PCDHA3: variants seen among roughly 807,000 people sequenced by gnomAD.
The protein encoded by PCDHA3 is protocadherin alpha 3, also known as protocadherin alpha-3.
Under a neutral mutation model 62.2 loss-of-function variants are expected in PCDHA3, and 41 were observed. The ratio of observed to expected loss-of-function variants is 0.66; its 90% CI spans 0.51 to 0.86. The LOEUF is 0.86. PCDHA3 is among the 40% of genes least tolerant of loss of function. The pLI, the probability that PCDHA3 is intolerant of heterozygous loss-of-function variation, is 0.00. For synonymous variants in PCDHA3, 640 were observed against 555.4 expected (o/e 1.15, Z -2.14); for missense variants, 1,304 against 1,241.2 (o/e 1.05, Z -0.76).
In PCDHA3 at chr5:140,857,031, C is replaced by A. The variant is rs782539359; in HGVS notation, c.2394+53440C>A. 6 of 1,596,318 alleles carry A rather than the reference C, an allele frequency of 3.8e-6. No homozygotes were observed. The South Asian group carries it at 6.6e-5, about 18-fold the overall frequency. On this transcript the variant is annotated intron_variant, in intron 1 of 3. Coordinates refer to ENST00000522353, the MANE Select transcript of PCDHA3 (RefSeq NM_018906.3). The stretch of plus-strand genomic sequence containing the variant: ...GATGTTACAGATAAGGGAAACCCAC[C>A]TATGGTTGGTCACTGCACGGTCCTA...
At chr5:140,853,125 C>T (rs2150528645) in intron 1 of PCDHA3, 31 of 553,956 alleles carry the variant, frequency 5.6e-5, no homozygotes, top group South Asian at 1.5e-4. Context: ...ATGATCCTCC[C>T]GCCTCAGCCT....
In PCDHA3 at chr5:140,802,469, G is replaced by A; in HGVS notation, c.1272G>A (p.Val424=). Residue 424 remains valine, a synonymous_variant, in exon 1 of 4, where the codon GTG becomes GTA. Transcript: ENST00000522353. ...DRESVSAYEL[V]VTARDGGSPS... is the part of the protein sequence containing the mutation. ...AGAGCGTGTCGGCCTATGAGCTGGT[G>A]GTGACTGCTCGGGACGGGGGCTCGC... The A allele has an allele frequency of 6.2e-7, 1 of 1,614,220 alleles. No individual in the cohort carries two copies. Among genetic ancestry groups the A allele is most frequent in the Non-Finnish European group, 8.5e-7 (1 of 1,180,042 alleles).
intron 1 of PCDHA3, chr5:140,852,742 T>G (rs1190690172): frequency 1.0e-6 from 1 of 984,108 alleles, no homozygotes; most frequent in African/African-American, 1.8e-5. Context: ...ATGTGCCATT[T>G]AAACTTGGAC....
intron 1 of PCDHA3, chr5:140,853,984 T>A: frequency 1.9e-6 from 1 of 534,780 alleles, no homozygotes; most frequent in Non-Finnish European, 2.5e-6. Context: ...ACCAATGTAG[T>A]GAGACTCATC....
intron 3 of PCDHA3, among the ~76,000 whole-genome samples, chr5:140,985,802 C>T (rs567648207): frequency 1.1e-4 from 16 of 146,640 alleles, no homozygotes; most frequent in African/African-American, 3.3e-4. Flanking sequence ...TGCAGTGGCA[C>T]GATCTCAGCT....
intron 1 of PCDHA3, among the ~76,000 whole-genome samples, chr5:140,952,125 A>G (rs1027710629): frequency 6.6e-6 from 1 of 152,092 alleles, no homozygotes; most frequent in African/African-American, 2.4e-5. Context: ...TGGGCTCCCA[A>G]GGCCTTGGGA....
intron 1 of PCDHA3, chr5:140,884,110 G>A: frequency 6.2e-7 from 1 of 1,613,438 alleles, no homozygotes; most frequent in Non-Finnish European, 8.5e-7. Flanking sequence ...TGCAGCTGGC[G>A]GCGGTCGGCG....
At chr5:140,875,423 G>A in intron 1 of PCDHA3, 2 of 1,524,996 alleles carry the variant, frequency 1.3e-6, no homozygotes, top group Non-Finnish European at 1.8e-6. Flanking sequence ...CCTCAGGCAA[G>A]CGATCCCTTA....
At chr5:140,969,468 AT>A (rs1264391543) in intron 1 of PCDHA3, 1 of 1,486,422 alleles carries the variant, frequency 6.7e-7, no homozygotes, top group Non-Finnish European at 9.0e-7. Context: ...AGTATCCACA[AT>A]TTGATCATAA....
rs1305500600 is a variant in PCDHA3, at chr5:140,846,627, G to A, written c.2394+43036G>A. On this transcript the variant is annotated intron_variant, in intron 1 of 3. Transcript: ENST00000522353. Reference sequence around the variant, plus strand: ...CTGACCTCCTGATCCGCCCACTTCGGCCTCCTAAAGTGCTGGGATTACAGG... The same window carrying A: ...CTGACCTCCTGATCCGCCCACTTCGACCTCCTAAAGTGCTGGGATTACAGG... Among the ~76,000 whole-genome samples, 7 of 148,870 alleles carry A rather than the reference G, an allele frequency of 4.7e-5. No individual in the cohort carries two copies. In the Admixed American group the frequency reaches 4.7e-4, roughly 10 times the overall value.
intron 3 of PCDHA3, among the ~76,000 whole-genome samples, chr5:140,999,830 T>C (rs146250053): frequency 2.0e-5 from 3 of 152,238 alleles, no homozygotes; most frequent in Non-Finnish European, 4.4e-5. Context: ...GCTTTAAAAA[T>C]ATGCCAAGTG....
rs782463768 is a variant in PCDHA3, at chr5:140,803,220, G to C, written c.2023G>C (p.Ala675Pro). 4 of 1,613,816 alleles carry C rather than the reference G, an allele frequency of 2.5e-6. No individual in the cohort carries two copies. The highest frequency in any genetic ancestry group is 3.4e-6 in the Non-Finnish European group (4 of 1,179,946). ...GGTGTCGCTGGTGGAGAGTGGCCAGGCACCCAAGGCCTCGTCCCAGGCGTC... is the reference window on the plus strand; with the variant it reads ...GGTGTCGCTGGTGGAGAGTGGCCAGCCACCCAAGGCCTCGTCCCAGGCGTC... Reference protein sequence around the residue: ...VLVSLVESGQAPKASSQASAG... With the variant: ...VLVSLVESGQPPKASSQASAG... The change falls in exon 1 of 4, where the codon GCA becomes CCA. Residue 675 changes from alanine (A) to proline (P), a missense_variant. By Grantham distance (27) the Ala-to-Pro change is conservative. Coordinates refer to ENST00000522353, the MANE Select transcript of PCDHA3 (RefSeq NM_018906.3).
intron 1 of PCDHA3, chr5:140,927,118 G>T (rs2083863389): frequency 6.2e-7 from 1 of 1,613,946 alleles, no homozygotes; most frequent in East Asian, 2.2e-5. Context: ...CGGCAATTTG[G>T]TGGTCAGAGA....
Position 140,842,675 on chromosome 5 carries a change from G to A in PCDHA3, c.2394+39084G>A. The A allele has an allele frequency of 1.3e-5, 20 of 1,595,468 alleles. 3 individuals are homozygous for A. The highest frequency in any genetic ancestry group is 3.5e-4 in the Middle Eastern group (2 of 5,774). ...GGAGGTGGCCGACGTGAACGACAAT[G>A]CTCCGGCGTTCGCGCAGCCCGAGTA... On this transcript the variant is annotated intron_variant, in intron 1 of 3. Transcript: ENST00000522353.
In PCDHA3 at chr5:140,876,087, G is replaced by T. The variant is rs1554168252; in HGVS notation, c.2394+72496G>T. ...GGAAGTTATTGGACAGAGAGCAAAC[G>T]CCAAAACTCAATTTATTGCTGATGG... On this transcript the variant is annotated intron_variant, in intron 1 of 3. Coordinates refer to ENST00000522353, the MANE Select transcript of PCDHA3 (RefSeq NM_018906.3). The T allele has an allele frequency of 1.9e-6, 3 of 1,613,922 alleles. No individual in the cohort carries two copies. The South Asian group carries it at 3.3e-5, about 18-fold the overall frequency.
chr5:140,876,759 T>A, intron 1 of PCDHA3: 1 of 1,614,146 alleles, frequency 6.2e-7, no homozygotes, highest in Non-Finnish European at 8.5e-7. Context: ...CTGCGCGGGA[T>A]GGGGGCTCGC....
chr5:140,835,671 G>C (rs1489343208), intron 1 of PCDHA3: 19 of 1,613,790 alleles, frequency 1.2e-5, no homozygotes, highest in Non-Finnish European at 1.2e-5. Context: ...CGCGCGGGAC[G>C]GGGGCTCGCC....
chr5:140,870,766 C>G, intron 1 of PCDHA3: 3 of 1,613,562 alleles, frequency 1.9e-6, no homozygotes, highest in South Asian at 1.1e-5. Context: ...GGTGTTCGTG[C>G]TGGACGAGAA....
At chr5:140,917,224 G>T (rs142866496) in intron 1 of PCDHA3, among the ~76,000 whole-genome samples, 1 of 150,920 alleles carries the variant, frequency 6.6e-6, no homozygotes, top group African/African-American at 2.4e-5. Flanking sequence ...TTAGTGATAC[G>T]TTGTTAAATC....
Sources: allele counts gnomAD v4.1 joint callset (sites outside exome capture counted in the v4.1 genomes callset), GRCh38; gene constraint gnomAD v4.1.1; transcripts MANE v1.5; gene names NCBI Gene and HGNC (gene_info 2026-07-23, HGNC 2026-07-21).